Variants in C2CD5 observed in about 807,000 individuals in gnomAD.
The protein encoded by C2CD5 is C2 calcium dependent domain containing 5.
A neutral mutation model predicts 130.3 loss-of-function variants in C2CD5; 109 were observed. The ratio of observed to expected loss-of-function variants is 0.84; its 90% CI spans 0.72 to 0.98. The LOEUF (loss-of-function observed/expected upper bound fraction) is 0.98. C2CD5 is among the 50% of genes least tolerant of loss of function. C2CD5 has a pLI of 0.00. For missense variants in C2CD5, 996 were observed against 1,261.8 expected (o/e 0.79, Z 3.19); for synonymous variants, 454 against 429.2 (o/e 1.06, Z -0.71).
intron 3 of C2CD5, among the ~76,000 whole-genome samples, chr12:22,528,120 G>A (rs1950891355): frequency 6.6e-6 from 1 of 152,068 alleles, no homozygotes. Context: ...CACAAGACTG[G>A]GATGACTAAC....
At position 22,472,245 on chromosome 12, in the gene C2CD5, C is replaced by T. The variant is rs368955461; in HGVS notation, c.2169+41G>A. On this transcript the variant is annotated intron_variant, in intron 18 of 26. Coordinates refer to ENST00000446597, the MANE Select transcript of C2CD5 (RefSeq NM_001286176.2). ...ATTTAAATGGAACTTACTAAAATAA[C>T]TTATGTGTTATGTGCTTAAAATTAA... 30 of 1,161,500 alleles carry T rather than the reference C, an allele frequency of 2.6e-5. No individual in the cohort carries two copies. The African/African-American group carries it at 4.6e-4, about 18-fold the overall frequency. The allele number at this position is 1,161,500 out of a possible 1,614,324, so 71.9% of individuals were successfully genotyped here.
intron 22 of C2CD5, among the ~76,000 whole-genome samples, chr12:22,468,899 AAAT>A (rs1942538867): frequency 6.6e-6 from 1 of 152,174 alleles, no homozygotes; most frequent in Non-Finnish European, 1.5e-5. Flanking sequence ...AGGAATCATA[AAAT>A]AATATCCATT....
chr12:22,461,416 T>C (rs1168711347), intron 22 of C2CD5, among the ~76,000 whole-genome samples: 2 of 152,198 alleles, frequency 1.3e-5, no homozygotes, highest in African/African-American at 2.4e-5. Context: ...CTGAGTAATA[T>C]GGAATTCCCT....
At chr12:22,537,494 G>A (rs963760707) in intron 2 of C2CD5, among the ~76,000 whole-genome samples, 1 of 152,070 alleles carries the variant, frequency 6.6e-6, no homozygotes, top group Admixed American at 6.5e-5. Context: ...GAAGAATCTC[G>A]GTTCACTTAG....
intron 16 of C2CD5, among the ~76,000 whole-genome samples, chr12:22,473,374 C>T (rs1943349942): frequency 6.6e-6 from 1 of 152,148 alleles, no homozygotes; most frequent in Non-Finnish European, 1.5e-5. Context: ...CGCTAAGCTT[C>T]TTCCCACATC....
At chr12:22,455,391 G>T (rs779974630) in intron 25 of C2CD5, among the ~76,000 whole-genome samples, 7 of 152,134 alleles carry the variant, frequency 4.6e-5, no homozygotes, top group Non-Finnish European at 8.8e-5. Flanking sequence ...ATAAGTTTCT[G>T]TTGAAGGAAA....
chr12:22,503,206 G>A (rs902889716), intron 10 of C2CD5, among the ~76,000 whole-genome samples: 7 of 151,972 alleles, frequency 4.6e-5, no homozygotes, highest in African/African-American at 7.3e-5. Context: ...CATATTCACC[G>A]GTCAAAAAAT....
chr12:22,506,948 A>G (rs1948619400), intron 9 of C2CD5, 129 bp from the exon 10 acceptor site: 9 of 608,534 alleles, frequency 1.5e-5, no homozygotes, highest in South Asian at 1.0e-4. Context: ...TACACATCAC[A>G]CATGCTTTGT....
intron 6 of C2CD5, among the ~76,000 whole-genome samples, chr12:22,523,832 T>C (rs987755122): frequency 5.3e-5 from 8 of 151,298 alleles, no homozygotes; most frequent in Non-Finnish European, 1.2e-4. Context: ...TAAAATATAA[T>C]ATATACTTAT....
intron 7 of C2CD5, among the ~76,000 whole-genome samples, chr12:22,520,856 T>C (rs1209598329): frequency 6.6e-6 from 1 of 152,038 alleles, no homozygotes; most frequent in East Asian, 1.9e-4. Context: ...ACTTAGGAAG[T>C]AGAACACACC....
At chr12:22,543,450 G>A (rs1351050263) in intron 2 of C2CD5, among the ~76,000 whole-genome samples, 4 of 152,258 alleles carry the variant, frequency 2.6e-5, no homozygotes, top group Admixed American at 6.5e-5. Context: ...TGTTGCAGTT[G>A]TGTTTTAGAA....
intron 22 of C2CD5, among the ~76,000 whole-genome samples, chr12:22,460,320 C>A (rs1221614723): frequency 6.6e-6 from 1 of 152,138 alleles, no homozygotes; most frequent in Non-Finnish European, 1.5e-5. Flanking sequence ...AAGAATTTTA[C>A]AACTAAAAGA....
intron 8 of C2CD5, among the ~76,000 whole-genome samples, chr12:22,516,283 T>G (rs1450698077): frequency 6.6e-6 from 1 of 151,820 alleles, no homozygotes; most frequent in African/African-American, 2.4e-5. Flanking sequence ...ATAGGAGTGC[T>G]CCTCAGGACA....
At chr12:22,500,244 G>C (rs1947587292) in intron 10 of C2CD5, among the ~76,000 whole-genome samples, 1 of 151,030 alleles carries the variant, frequency 6.6e-6, no homozygotes, top group Non-Finnish European at 1.5e-5. Flanking sequence ...CAGGAGAAAA[G>C]GAGACAGAAA....
intron 15 of C2CD5, among the ~76,000 whole-genome samples, chr12:22,476,622 CTTACA>C (rs1943886548): frequency 6.6e-6 from 1 of 152,008 alleles, no homozygotes; most frequent in Non-Finnish European, 1.5e-5. Flanking sequence ...CTCCAAAGGG[CTTACA>C]TTATAGTAAA....
intron 10 of C2CD5, among the ~76,000 whole-genome samples, chr12:22,500,572 A>C (rs1377045479): frequency 6.6e-6 from 1 of 152,178 alleles, no homozygotes. Flanking sequence ...CCACACAGTA[A>C]ATTATTTAAT....
At chr12:22,499,174 G>C (rs1384381096) in intron 10 of C2CD5, among the ~76,000 whole-genome samples, 2 of 152,132 alleles carry the variant, frequency 1.3e-5, no homozygotes, top group Non-Finnish European at 2.9e-5. Flanking sequence ...GAACTCAATT[G>C]CTATGTAGAA....
intron 7 of C2CD5, among the ~76,000 whole-genome samples, chr12:22,523,192 C>A (rs768252837): frequency 2.6e-5 from 4 of 151,792 alleles, no homozygotes; most frequent in Non-Finnish European, 4.4e-5. Flanking sequence ...CCAGCCTGGG[C>A]AACAGAGCAA....
intron 14 of C2CD5, among the ~76,000 whole-genome samples, chr12:22,481,933 G>A (rs1472780373): frequency 4.0e-5 from 6 of 151,236 alleles, no homozygotes; most frequent in Non-Finnish European, 8.8e-5. Context: ...CACCTGGCCA[G>A]AAACACCTGT....
Sources: gnomAD v4.1 joint callset for allele counts (sites outside exome capture counted in the v4.1 genomes callset) on GRCh38, gnomAD v4.1.1 for gene constraint, MANE v1.5 for transcripts, NCBI Gene and HGNC (gene_info 2026-07-23, HGNC 2026-07-21) for gene names.